Variants in FGF18 observed in about 807,000 individuals in gnomAD.
FGF18 encodes the protein fibroblast growth factor 18.
A neutral mutation model predicts 23.0 loss-of-function variants in FGF18; 5 were observed. That is an observed-to-expected ratio of 0.22 (90% CI 0.11 to 0.46). The LOEUF is 0.46. Among genes scored for constraint, FGF18 ranks in the 20% least tolerant of loss-of-function variants. FGF18 has a pLI of 0.99. For missense variants in FGF18, 180 were observed against 291.6 expected (o/e 0.62, Z 2.79); for synonymous variants, 117 against 118.9 (o/e 0.98, Z 0.10).
intron 2 of FGF18, among the ~76,000 whole-genome samples, chr5:171,432,962 CG>C (rs1772202412): frequency 6.6e-6 from 1 of 152,162 alleles, no homozygotes; most frequent in Admixed American, 6.5e-5. Flanking sequence ...GTAGAGTGTT[CG>C]GGGGCCCTCA....
chr5:171,433,678 A>G (rs934994955), intron 2 of FGF18, among the ~76,000 whole-genome samples: 1 of 152,196 alleles, frequency 6.6e-6, no homozygotes, highest in African/African-American at 2.4e-5. Flanking sequence ...GTGGGCCAGC[A>G]GGCCAGGCCC....
At chr5:171,433,775 G>A (rs553870700) in intron 2 of FGF18, among the ~76,000 whole-genome samples, 3 of 152,292 alleles carry the variant, frequency 2.0e-5, no homozygotes, top group Non-Finnish European at 2.9e-5. Flanking sequence ...GGTGATAAGC[G>A]TTCTCATGGT....
At position 171,440,226 on chromosome 5, in the gene FGF18, G is replaced by GT. The variant is rs368187893; in HGVS notation, c.250+3953_250+3954insT. On this transcript the variant is annotated intron_variant, in intron 3 of 4. Coordinates refer to ENST00000274625, the MANE Select transcript of FGF18 (RefSeq NM_003862.3). The surrounding 1 kb of genome is among the most constrained non-coding windows in gnomAD (Gnocchi z 4.0). ...CCTGACCTCCTTACTATGGGTGTGTGGGGGGGGGTGGTGCCATCGCGGGCT... is the reference window on the plus strand; with the variant it reads ...CCTGACCTCCTTACTATGGGTGTGTGTGGGGGGGGTGGTGCCATCGCGGGCT... Among the ~76,000 whole-genome samples the GT allele has an allele frequency of 4.6e-4, 23 of 49,556 alleles. No individual in the cohort carries two copies. In the South Asian group the frequency reaches 4.9e-3, roughly 11 times the overall value. 32.5% of individuals were successfully genotyped at this position (49,556 alleles called of 152,430 possible).
intron 1 of FGF18, 83 bp from the exon 2 acceptor site, chr5:171,420,324 C>G (rs573484628): frequency 6.2e-7 from 1 of 1,606,486 alleles, no homozygotes; most frequent in African/African-American, 1.3e-5. Context: ...GTCGGTTCAC[C>G]TGACTCTTCG....
chr5:171,446,932 A>G (rs573192624), intron 3 of FGF18, among the ~76,000 whole-genome samples: 50 of 152,254 alleles, frequency 3.3e-4, no homozygotes, highest in African/African-American at 1.1e-3. Context: ...AGACCTGGGG[A>G]GGGAAGCTTT....
chr5:171,434,524 T>A lies in FGF18; in HGVS notation c.70-1569T>A, dbSNP rs1158904280. Among the ~76,000 whole-genome samples the A allele has an allele frequency of 6.6e-6, 1 of 151,528 alleles. No individual in the cohort carries two copies. The highest frequency in any genetic ancestry group is 1.5e-5 in the Non-Finnish European group (1 of 67,888). Reference sequence around the variant, plus strand: ...GGGCGTGCCAGCGTGGGAATGGGGGTCCCTTGTGCCTAGCATTGTGATAGA... The same window carrying A: ...GGGCGTGCCAGCGTGGGAATGGGGGACCCTTGTGCCTAGCATTGTGATAGA... On this transcript the variant is annotated intron_variant, in intron 2 of 4. Transcript: ENST00000274625. The surrounding 1 kb of genome is among the most constrained non-coding windows in gnomAD (Gnocchi z 4.6).
chr5:171,455,694 T>A (rs1381685080), intron 4 of FGF18, among the ~76,000 whole-genome samples: 42 of 152,174 alleles, frequency 2.8e-4, no homozygotes, highest in Non-Finnish European at 4.4e-5. Context: ...TACAAACTCC[T>A]CTGGTTTAAA....
chr5:171,453,181 T>C (rs900649146), intron 4 of FGF18, among the ~76,000 whole-genome samples: 9 of 152,152 alleles, frequency 5.9e-5, no homozygotes, highest in African/African-American at 1.9e-4. Flanking sequence ...GTCTCTGCTG[T>C]GGTGAGCAGG....
At chr5:171,449,666 A>C (rs1772469229) in intron 4 of FGF18, among the ~76,000 whole-genome samples, 1 of 152,040 alleles carries the variant, frequency 6.6e-6, no homozygotes, top group Non-Finnish European at 1.5e-5. Flanking sequence ...GGCTGCATCG[A>C]TCGTTTTAAC....
intron 2 of FGF18, among the ~76,000 whole-genome samples, chr5:171,430,994 G>T (rs534952972): frequency 6.6e-5 from 10 of 152,124 alleles, no homozygotes; most frequent in Non-Finnish European, 1.3e-4. Context: ...TGAGTGTTGC[G>T]TGTGTGGTGT....
At position 171,439,270 on chromosome 5, in the gene FGF18, C is replaced by T. The variant is rs148126516; in HGVS notation, c.250+2997C>T. On this transcript the variant is annotated intron_variant, in intron 3 of 4. Transcript: ENST00000274625. ...CTTGGTATTCTGCAAGAGGGTCTCC[C>T]GGTGGCCCTCTAAAGCTCTCCCAGT... Among the ~76,000 whole-genome samples, 17 of 152,270 alleles carry T rather than the reference C, an allele frequency of 1.1e-4. No homozygotes were observed. In the East Asian group the frequency reaches 1.4e-3, roughly 12 times the overall value.
intron 2 of FGF18, among the ~76,000 whole-genome samples, chr5:171,427,385 G>A (rs9313543): frequency 0.18 from 26,965 of 152,110 alleles, 2,527 homozygotes; most frequent in South Asian, 0.31. Context: ...GGGGTGCTAG[G>A]GAAAGCTAGA....
chr5:171,428,841 G>T (rs1424207720), intron 2 of FGF18, among the ~76,000 whole-genome samples: 1 of 152,222 alleles, frequency 6.6e-6, no homozygotes, highest in African/African-American at 2.4e-5. Context: ...GGTCTTTACG[G>T]CTCCAGGGTT....
chr5:171,433,103 G>A (rs1050671731), intron 2 of FGF18, among the ~76,000 whole-genome samples: 2 of 152,130 alleles, frequency 1.3e-5, no homozygotes, highest in African/African-American at 4.8e-5. Context: ...CGAGCCAGAG[G>A]CCACCAGAGG....
At chr5:171,425,421 A>AT (rs1051211858) in intron 2 of FGF18, among the ~76,000 whole-genome samples, 2 of 151,402 alleles carry the variant, frequency 1.3e-5, no homozygotes, top group African/African-American at 4.9e-5. Flanking sequence ...GAGTTTCACC[A>AT]TGTTGGCCAG....
chr5:171,446,509 G>A (rs2113357297), intron 3 of FGF18, among the ~76,000 whole-genome samples: 1 of 152,298 alleles, frequency 6.6e-6, no homozygotes, highest in East Asian at 1.9e-4. Flanking sequence ...AGGATGGATG[G>A]CTTCAGTGCA....
intron 2 of FGF18, among the ~76,000 whole-genome samples, chr5:171,422,243 A>G (rs989557810): frequency 2.0e-5 from 3 of 152,066 alleles, no homozygotes; most frequent in African/African-American, 7.2e-5. Context: ...GGCCAGAGCT[A>G]GAGCCAGCAT....
chr5:171,437,497 A>T (rs1402367599), intron 3 of FGF18, among the ~76,000 whole-genome samples: 1 of 146,540 alleles, frequency 6.8e-6, no homozygotes, highest in Non-Finnish European at 1.5e-5. Context: ...TTCCCCTCCC[A>T]CTCTCTTTCC....
Position 171,456,535 on chromosome 5 carries a change from G to A in FGF18, c.358-4G>A. On this transcript the variant is annotated splice_region_variant and splice_polypyrimidine_tract_variant and intron_variant, in intron 4 of 4. Coordinates refer to ENST00000274625, the MANE Select transcript of FGF18 (RefSeq NM_003862.3). This position sits in a 1 kb window ranked among gnomAD's most constrained non-coding sequence, Gnocchi z 6.1. ...CTTGAACACTCCCCCTCTCTCCCCT[G>A]CAGCCCGATGGCACCAGCAAGGAGT... 1 of 1,611,138 alleles carries A rather than the reference G, an allele frequency of 6.2e-7. No individual in the cohort carries two copies. Among genetic ancestry groups the A allele is most frequent in the Non-Finnish European group, 8.5e-7 (1 of 1,177,736 alleles).
Sources: allele counts gnomAD v4.1 joint callset (sites outside exome capture counted in the v4.1 genomes callset), GRCh38; gene constraint gnomAD v4.1.1; non-coding constraint Gnocchi (gnomAD v3.1); transcripts MANE v1.5; gene names NCBI Gene and HGNC (gene_info 2026-07-23, HGNC 2026-07-21).